Variants in SYNJ2BP observed in about 807,000 individuals in gnomAD.
SYNJ2BP encodes synaptojanin-2-binding protein.
Under a neutral mutation model 16.9 loss-of-function variants are expected in SYNJ2BP, and 10 were observed. The ratio of observed to expected loss-of-function variants is 0.59; its 90% CI spans 0.36 to 1.00. SYNJ2BP has a LOEUF of 1.00. Among genes scored for constraint, SYNJ2BP ranks in the 50% least tolerant of loss-of-function variants. The pLI is 0.01. For synonymous variants in SYNJ2BP, 54 were observed against 68.4 expected, an observed-to-expected ratio of 0.79 and a Z score of 1.04; for missense variants, 162 against 186.7, an observed-to-expected ratio of 0.87 and a Z score of 0.77.
chr14:70,401,003 C>T (rs969175263), intron 1 of SYNJ2BP, among the ~76,000 whole-genome samples: 54 of 152,208 alleles, frequency 3.5e-4, no homozygotes, highest in African/African-American at 1.3e-3. Flanking sequence ...CTTCAAAATT[C>T]GAGTGCTCTT....
At chr14:70,415,288 T>G (rs1397503213) in intron 1 of SYNJ2BP, among the ~76,000 whole-genome samples, 1 of 151,782 alleles carries the variant, frequency 6.6e-6, no homozygotes, top group African/African-American at 2.4e-5. Flanking sequence ...CTCACACCCG[T>G]AATCCCAGCA....
At chr14:70,406,169 G>A (rs1159415359) in intron 1 of SYNJ2BP, among the ~76,000 whole-genome samples, 18 of 152,230 alleles carry the variant, frequency 1.2e-4, no homozygotes, top group Non-Finnish European at 4.4e-5. Context: ...GCAGGAGGGG[G>A]CCTACCACCA....
At position 70,388,715 on chromosome 14, in the gene SYNJ2BP, G is replaced by A. The variant is rs149037287; in HGVS notation, c.65-109C>T. 4.1e-4 allele frequency: 552 copies of A among 1,346,064 alleles called. 3 individuals are homozygous for A. In the African/African-American group the frequency reaches 7.5e-3, roughly 18 times the overall value. The allele number at this position is 1,346,064 out of a possible 1,614,324, so 83.4% of individuals were successfully genotyped here. A position where few individuals can be genotyped will look rare whatever the true frequency, so the allele number is the denominator to read the frequency against. Reference sequence around the variant, plus strand: ...GCCTACTGGGGAGGAAAGGCTGATGGAGAGGAGATGCTGGCGAGTCAGCCT... The same window carrying A: ...GCCTACTGGGGAGGAAAGGCTGATGAAGAGGAGATGCTGGCGAGTCAGCCT... On this transcript the variant is annotated intron_variant, in intron 1 of 3. Transcript: ENST00000256366.
chr14:70,393,919 T>C (rs910121363), intron 1 of SYNJ2BP, among the ~76,000 whole-genome samples: 1 of 147,452 alleles, frequency 6.8e-6, no homozygotes, highest in Non-Finnish European at 1.5e-5. Flanking sequence ...TGTATACCTA[T>C]GTAACAAACC....
At chr14:70,406,812 A>T (rs1888354335) in intron 1 of SYNJ2BP, among the ~76,000 whole-genome samples, 1 of 152,068 alleles carries the variant, frequency 6.6e-6, no homozygotes, top group South Asian at 2.1e-4. Context: ...CCCACCTGAC[A>T]AATTATCCTT....
Position 70,372,477 on chromosome 14 carries a change from A to G in SYNJ2BP, c.*514T>C, listed in dbSNP as rs1887537108. 1 of 155,000 alleles carries G rather than the reference A, an allele frequency of 6.5e-6. No individual in the cohort carries two copies. The highest frequency in any genetic ancestry group is 2.0e-4 in the South Asian group (1 of 4,962). The allele number at this position is 155,000 out of a possible 1,614,324, so 9.6% of individuals were successfully genotyped here. ...ATTATACTATAATATTTGCATACGTATGTGTATATATGTATTTGCTTTTTT... is the reference window on the plus strand; with the variant it reads ...ATTATACTATAATATTTGCATACGTGTGTGTATATATGTATTTGCTTTTTT... On this transcript the variant is annotated 3_prime_UTR_variant, in exon 4 of 4. Transcript: ENST00000256366.
intron 1 of SYNJ2BP, among the ~76,000 whole-genome samples, chr14:70,392,629 T>G (rs1888003957): frequency 6.6e-6 from 1 of 152,066 alleles, no homozygotes; most frequent in Non-Finnish European, 1.5e-5. Flanking sequence ...AAATATACAG[T>G]AGAAATGCAA....
intron 2 of SYNJ2BP, among the ~76,000 whole-genome samples, chr14:70,383,794 T>C: frequency 6.6e-6 from 1 of 152,138 alleles, no homozygotes; most frequent in Non-Finnish European, 1.5e-5. Flanking sequence ...GGGTGAGGAA[T>C]TTCCAGCCTT....
chr14:70,390,903 G>A (rs1423350119), intron 1 of SYNJ2BP, among the ~76,000 whole-genome samples: 1 of 152,202 alleles, frequency 6.6e-6, no homozygotes, highest in African/African-American at 2.4e-5. Context: ...GGAGGCCAAG[G>A]TGGGTGGATC....
At chr14:70,387,380 T>C (rs1887881734) in intron 2 of SYNJ2BP, among the ~76,000 whole-genome samples, 1 of 152,234 alleles carries the variant, frequency 6.6e-6, no homozygotes, top group African/African-American at 2.4e-5. Flanking sequence ...ATATTTTGCA[T>C]TTTAATAGTT....
At chr14:70,399,040 C>T (rs1343310373) in intron 1 of SYNJ2BP, among the ~76,000 whole-genome samples, 1 of 152,156 alleles carries the variant, frequency 6.6e-6, no homozygotes, top group African/African-American at 2.4e-5. Context: ...GGGATGCGGC[C>T]CCGCGGAGGC....
chr14:70,399,466 C>A (rs919998926), intron 1 of SYNJ2BP, among the ~76,000 whole-genome samples: 8 of 152,326 alleles, frequency 5.3e-5, no homozygotes, highest in African/African-American at 1.9e-4. Context: ...AATGCAGGGC[C>A]AGGGTCTGGA....
chr14:70,398,744 G>A (rs563179212), intron 1 of SYNJ2BP, among the ~76,000 whole-genome samples: 12 of 152,324 alleles, frequency 7.9e-5, no homozygotes, highest in Admixed American at 5.9e-4. Context: ...GCTCCATGAA[G>A]TGTGCAGCCA....
intron 1 of SYNJ2BP, among the ~76,000 whole-genome samples, chr14:70,398,210 G>A (rs1156814036): frequency 1.3e-5 from 2 of 152,150 alleles, no homozygotes; most frequent in African/African-American, 2.4e-5. Context: ...TGGTCCATGG[G>A]CAGCCACAGA....
Position 70,388,535 on chromosome 14 carries a change from G to C in SYNJ2BP, c.136C>G (p.Arg46Gly), listed in dbSNP as rs781650989. 3 of 1,600,716 alleles carry C rather than the reference G, an allele frequency of 1.9e-6. No homozygotes were observed. The highest frequency in any genetic ancestry group is 2.6e-6 in the Non-Finnish European group (3 of 1,173,866). Residue 46 changes from arginine (R) to glycine (G), a missense_variant, in exon 2 of 4, where the codon CGC becomes GGC. Arg to Gly is a moderately radical substitution (Grantham distance 125). Transcript: ENST00000256366. ...GCCGCAGCCCCATTTTCTTTGATGCGGCTGACGTAGATGCCACTGTCGTTG... is the reference window on the plus strand; with the variant it reads ...GCCGCAGCCCCATTTTCTTTGATGCCGCTGACGTAGATGCCACTGTCGTTG... ...VSNDSGIYVS[R>G]IKENGAAALD...
At chr14:70,411,890 A>G (rs1299719358) in intron 1 of SYNJ2BP, among the ~76,000 whole-genome samples, 1 of 152,210 alleles carries the variant, frequency 6.6e-6, no homozygotes, top group Non-Finnish European at 1.5e-5. Flanking sequence ...TGTGAACATC[A>G]TATCTCTATT....
chr14:70,379,806 GAAAT>G (rs1566615828), intron 2 of SYNJ2BP, among the ~76,000 whole-genome samples: 1 of 152,160 alleles, frequency 6.6e-6, no homozygotes, highest in East Asian at 1.9e-4. Flanking sequence ...TCATTATAAA[GAAAT>G]AAGTACTTTC....
At chr14:70,376,908 G>T (rs139658408) in intron 2 of SYNJ2BP, among the ~76,000 whole-genome samples, 59 of 152,104 alleles carry the variant, frequency 3.9e-4, no homozygotes, top group African/African-American at 1.4e-3. Context: ...TTTCCTTGTC[G>T]CAATCTTCCT....
chr14:70,384,741 G>T (rs532856682), intron 2 of SYNJ2BP, among the ~76,000 whole-genome samples: 6 of 152,018 alleles, frequency 3.9e-5, no homozygotes, highest in Non-Finnish European at 8.8e-5. Context: ...TGTGAAGAAG[G>T]TACTTGCTTC....
Sources: allele counts gnomAD v4.1 joint callset (sites outside exome capture counted in the v4.1 genomes callset), GRCh38; gene constraint gnomAD v4.1.1; transcripts MANE v1.5; gene names NCBI Gene and HGNC (gene_info 2026-07-23, HGNC 2026-07-21).